The following TACC2 variants were observed in gnomAD, a reference collection of about 807,000 sequenced individuals.
TACC2 encodes transforming acidic coiled-coil containing protein 2, also known as transforming acidic coiled-coil-containing protein 2.
TACC2 carries 137 observed loss-of-function variants against 227.3 expected under a neutral mutation model. The observed-to-expected ratio is 0.60, with a 90% CI of 0.52 to 0.69. TACC2 has a LOEUF of 0.69. Among genes scored for constraint, TACC2 ranks in the 30% least tolerant of loss-of-function variants. The probability of loss-of-function intolerance (pLI) is 0.00; values close to 1 mark genes in which losing one functional copy is unlikely to be tolerated. For missense variants in TACC2, 3,470 were observed against 3,694.4 expected, an observed-to-expected ratio of 0.94 and a Z score of 1.57; for synonymous variants, 1,523 against 1,487.5, an observed-to-expected ratio of 1.02 and a Z score of -0.55.
In TACC2 at chr10:122,061,393, A is replaced by G. The variant is rs564260279; in HGVS notation, c.146+10843A>G. Among the ~76,000 whole-genome samples, 16 of 152,048 alleles carry G rather than the reference A, an allele frequency of 1.1e-4. 1 individual carries two copies. The South Asian group carries it at 2.3e-3, about 22-fold the overall frequency. ...GACCATATGCTGAGATGTGAAAAGC[A>G]CTAAGGTCAGGTGTGTCTGCCGAGT... On this transcript the variant is annotated intron_variant, in intron 3 of 22. Transcript: ENST00000369005.
At chr10:122,219,703 T>G (rs1234278531) in intron 11 of TACC2, among the ~76,000 whole-genome samples, 4 of 152,168 alleles carry the variant, frequency 2.6e-5, no homozygotes, top group Non-Finnish European at 5.9e-5. Flanking sequence ...TTGAGCTTGG[T>G]AAGAGATTTC....
Position 122,205,659 on chromosome 10 carries a change from T to C in TACC2, c.5972-4738T>C, listed in dbSNP as rs534546286. Reference sequence around the variant, plus strand: ...GGCGCACCTGTGGCACCTGTTACGATGGGGGCCCTGAGCCCCCACCCCAGC... The same window carrying C: ...GGCGCACCTGTGGCACCTGTTACGACGGGGGCCCTGAGCCCCCACCCCAGC... On this transcript the variant is annotated intron_variant, in intron 8 of 22. Coordinates refer to ENST00000369005, the MANE Select transcript of TACC2 (RefSeq NM_206862.4). This position sits in a 1 kb window ranked among gnomAD's most constrained non-coding sequence, Gnocchi z 4.5. 2.6e-5 allele frequency among the ~76,000 whole-genome samples: 4 copies of C among 152,280 alleles called. No individual in the cohort carries two copies. Among genetic ancestry groups the C allele is most frequent in the South Asian group, 2.1e-4 (1 of 4,820 alleles).
intron 3 of TACC2, among the ~76,000 whole-genome samples, chr10:122,059,884 C>T (rs1002571400): frequency 6.6e-6 from 1 of 152,104 alleles, no homozygotes; most frequent in Non-Finnish European, 1.5e-5. Flanking sequence ...GTTAAAAATG[C>T]AAAGCTTTGA....
At chr10:122,056,483 G>A (rs569605665) in intron 3 of TACC2, among the ~76,000 whole-genome samples, 2 of 152,296 alleles carry the variant, frequency 1.3e-5, no homozygotes, top group South Asian at 4.1e-4. Flanking sequence ...CCAGGAAGGA[G>A]CATTTCTAAC....
chr10:122,124,840 ATGAG>A (rs1464670827), intron 5 of TACC2, among the ~76,000 whole-genome samples: 1 of 152,088 alleles, frequency 6.6e-6, no homozygotes, highest in African/African-American at 2.4e-5. Flanking sequence ...CTCTCTCTAT[ATGAG>A]TAATATAAAT....
rs1350304247 is a variant in TACC2 at position 122,143,674 on chromosome 10, C to G, written c.5802C>G (p.Pro1934=). ...PAGDRVEAST[P]SCPDPAKDLS... ...GTGACAGAGTAGAAGCTTCCACTCCCTCCTGCCCAGATCCGGCCAAGGACC... is the reference window on the plus strand; with the variant it reads ...GTGACAGAGTAGAAGCTTCCACTCCGTCCTGCCCAGATCCGGCCAAGGACC... Residue 1934 remains proline (P), a synonymous_variant, in exon 7 of 23, where the codon CCC becomes CCG. Coordinates refer to ENST00000369005, the MANE Select transcript of TACC2 (RefSeq NM_206862.4). The G allele has an allele frequency of 1.2e-6, 2 of 1,614,068 alleles. No individual in the cohort carries two copies. Among genetic ancestry groups the G allele is most frequent in the South Asian group, 1.1e-5 (1 of 91,076 alleles).
At chr10:122,001,578 T>A (rs1048848540) in intron 1 of TACC2, among the ~76,000 whole-genome samples, 4 of 152,254 alleles carry the variant, frequency 2.6e-5, no homozygotes, top group Admixed American at 1.3e-4. Context: ...ACTCTTTTTG[T>A]AAGTGTATAA....
intron 3 of TACC2, among the ~76,000 whole-genome samples, chr10:122,073,152 TAC>T (rs55672889): frequency 0.058 from 5,351 of 91,686 alleles, 287 homozygotes; most frequent in Middle Eastern, 0.1. Context: ...TATATATATA[TAC>T]ACACACACAC....
intron 7 of TACC2, among the ~76,000 whole-genome samples, chr10:122,144,055 A>G (rs1408017449): frequency 6.6e-6 from 1 of 152,174 alleles, no homozygotes; most frequent in Non-Finnish European, 1.5e-5. Flanking sequence ...GGATTGGCTC[A>G]TGTGATTGTG....
chr10:122,130,120 C>T (rs2087757814), intron 5 of TACC2, among the ~76,000 whole-genome samples: 1 of 152,158 alleles, frequency 6.6e-6, no homozygotes, highest in South Asian at 2.1e-4. Context: ...GCCTCAGCCT[C>T]GTGTGGCTGG....
intron 11 of TACC2, among the ~76,000 whole-genome samples, chr10:122,217,123 T>A (rs1161483812): frequency 2.0e-5 from 3 of 152,126 alleles, no homozygotes; most frequent in African/African-American, 4.8e-5. Context: ...GCTTTGCCCA[T>A]GGCTTATGTC....
chr10:122,220,294 G>T (rs1399328785), intron 11 of TACC2, among the ~76,000 whole-genome samples: 1 of 151,994 alleles, frequency 6.6e-6, no homozygotes, highest in Non-Finnish European at 1.5e-5. Context: ...GTTTTTTTCT[G>T]TAAAAATTGA....
At chr10:122,041,825 G>A (rs1054165955) in intron 2 of TACC2, among the ~76,000 whole-genome samples, 4 of 152,362 alleles carry the variant, frequency 2.6e-5, no homozygotes, top group East Asian at 1.9e-4. Context: ...CCGGAGGGTC[G>A]GTGCTAGTTT....
At chr10:122,214,755 G>C (rs949167045) in intron 9 of TACC2, among the ~76,000 whole-genome samples, 1 of 152,176 alleles carries the variant, frequency 6.6e-6, no homozygotes, top group Non-Finnish European at 1.5e-5. Context: ...GGAGAGAAGA[G>C]CTGTGAATCT....
At chr10:122,249,313 A>C (rs1409197954) in intron 21 of TACC2, among the ~76,000 whole-genome samples, 157 bp downstream of exon 21, 1 of 152,230 alleles carries the variant, frequency 6.6e-6, no homozygotes, top group Admixed American at 6.5e-5. Flanking sequence ...GCACACAGTT[A>C]GCATCATTTA....
intron 7 of TACC2, among the ~76,000 whole-genome samples, chr10:122,182,112 A>G (rs1700316040): frequency 6.6e-6 from 1 of 152,226 alleles, no homozygotes. Context: ...GTTGAGACAC[A>G]CAGTAGACCA....
chr10:122,018,865 C>G (rs1957001513), intron 1 of TACC2, among the ~76,000 whole-genome samples: 1 of 152,210 alleles, frequency 6.6e-6, no homozygotes, highest in Non-Finnish European at 1.5e-5. Flanking sequence ...GCTTCCTCCA[C>G]CACCTCCAAG....
intron 7 of TACC2, among the ~76,000 whole-genome samples, chr10:122,187,350 G>A (rs1161636768): frequency 2.0e-5 from 3 of 152,184 alleles, no homozygotes; most frequent in Non-Finnish European, 4.4e-5. Context: ...GTGTCCACAG[G>A]TGGCCTGGCT....
chr10:122,086,335 G>C lies in TACC2; in HGVS notation c.3835G>C (p.Glu1279Gln). ...TGTAGGGGAGCCCCCACTTGCCTTGGAAAATGCTGCCTCCTTGAAGCTGTT... is the reference window on the plus strand; with the variant it reads ...TGTAGGGGAGCCCCCACTTGCCTTGCAAAATGCTGCCTCCTTGAAGCTGTT... Reference protein sequence around the residue: ...CPVGEPPLALENAASLKLFAG... With the variant: ...CPVGEPPLALQNAASLKLFAG... Residue 1279 changes from glutamate to glutamine, a missense_variant, in exon 4 of 23, where the codon GAA becomes CAA. By Grantham distance (29) the Glu-to-Gln change is conservative (BLOSUM62 2). This residue lies in a region of TACC2 where 1,924 missense variants were observed against 1,978.3 expected (regional missense o/e 0.97). Transcript: ENST00000369005. The C allele has an allele frequency of 6.2e-7, 1 of 1,613,820 alleles. No individual in the cohort carries two copies. Among genetic ancestry groups the C allele is most frequent in the Non-Finnish European group, 8.5e-7 (1 of 1,180,018 alleles).
Sources: allele counts gnomAD v4.1 joint callset (sites outside exome capture counted in the v4.1 genomes callset), GRCh38; gene constraint gnomAD v4.1.1; regional missense constraint gnomAD v4.1.1; non-coding constraint Gnocchi (gnomAD v3.1); transcripts MANE v1.5; gene names NCBI Gene and HGNC (gene_info 2026-07-23, HGNC 2026-07-21).